Variants in BPHL observed in about 807,000 individuals in gnomAD.
BPHL encodes biphenyl hydrolase like.
Under a neutral mutation model 31.2 loss-of-function variants are expected in BPHL, and 27 were observed. The ratio of observed to expected loss-of-function variants is 0.87; its 90% confidence interval spans 0.64 to 1.19. The LOEUF (loss-of-function observed/expected upper bound fraction) is 1.19. Ranked by LOEUF, BPHL falls within the 50% of genes most tolerant of loss-of-function variation. The probability of loss-of-function intolerance (pLI) is 0.00; values close to 1 mark genes in which losing one functional copy is unlikely to be tolerated. For missense variants in BPHL, 356 were observed against 375.7 expected (o/e 0.95, Z 0.43); for synonymous variants, 150 against 146.8 (o/e 1.02, Z -0.16).
chr6:3,131,428 C>T (rs1390230336), intron 4 of BPHL, among the ~76,000 whole-genome samples: 2 of 152,194 alleles, frequency 1.3e-5, no homozygotes, highest in Non-Finnish European at 2.9e-5. Flanking sequence ...TTGCCCTGTT[C>T]ATTGAACTGT....
chr6:3,146,828 GGCTGGAGTGC>G (rs1762396883), intron 6 of BPHL, among the ~76,000 whole-genome samples: 1 of 77,026 alleles, frequency 1.3e-5, no homozygotes, highest in Admixed American at 1.2e-4. Flanking sequence ...TGCTGGTTCC[GGCTGGAGTGC>G]TGGTTTGGGT....
At chr6:3,137,316 T>G (rs768097998) in intron 4 of BPHL, 46 bp from the exon 5 acceptor site, 8 of 1,602,604 alleles carry the variant, frequency 5.0e-6, no homozygotes, top group Non-Finnish European at 6.8e-6. Flanking sequence ...AGACAATACT[T>G]TAGTATGAAA....
rs1264625314 is a variant in BPHL at position 3,140,258 on chromosome 6, C to G, written c.665-128C>G. 2 of 1,260,638 alleles carry G rather than the reference C, an allele frequency of 1.6e-6. No homozygotes were observed. Among genetic ancestry groups the G allele is most frequent in the East Asian group, 2.5e-5 (1 of 40,340 alleles). The allele number at this position is 1,260,638 out of a possible 1,614,324, so 78.1% of individuals were successfully genotyped here. On this transcript the variant is annotated intron_variant, in intron 5 of 6. Transcript: ENST00000380379. This position sits in a 1 kb window ranked among gnomAD's most constrained non-coding sequence, Gnocchi z 5.2. Reference sequence around the variant, plus strand: ...GAAGGAATCCCAGGCACGGTCAAATCCAAAACACAGTTTTTACGGATAGGG... The same window carrying G: ...GAAGGAATCCCAGGCACGGTCAAATGCAAAACACAGTTTTTACGGATAGGG...
Position 3,140,895 on chromosome 6 carries a change from T to A in BPHL, c.788+386T>A, listed in dbSNP as rs1762156253. On this transcript the variant is annotated intron_variant, in intron 6 of 6. Transcript: ENST00000380379. This position sits in a 1 kb window ranked among gnomAD's most constrained non-coding sequence, Gnocchi z 5.2. ...TTATAAAAGCACTGACCACCCAATT[T>A]AAAAAAATCTGTTAAACCAAATTTC... Among the ~76,000 whole-genome samples, 2 of 152,160 alleles carry A rather than the reference T, an allele frequency of 1.3e-5. No homozygotes were observed. Among genetic ancestry groups the A allele is most frequent in the East Asian group, 1.9e-4 (1 of 5,204 alleles).
chr6:3,143,904 C>T (rs79499583), intron 6 of BPHL, among the ~76,000 whole-genome samples: 2,562 of 152,316 alleles, frequency 0.017, 56 homozygotes, highest in East Asian at 0.077. Flanking sequence ...CTCTCGCCTG[C>T]GGCCCTTCTC....
chr6:3,129,124 C>A lies in BPHL; in HGVS notation c.458C>A (p.Pro153Gln). The stretch of plus-strand genomic sequence containing the variant: ...GCACTCATTGCTGCTGCAAAATATC[C>A]ATCTTACATCCACAAGATGGTGATC... ...ITALIAAAKY[P>Q]SYIHKMVIWG... Residue 153 changes from proline (P) to glutamine (Q), a missense_variant, in exon 4 of 7, where the codon CCA becomes CAA. Pro to Gln is a moderately conservative substitution (Grantham distance 76). Coordinates refer to ENST00000380379, the MANE Select transcript of BPHL (RefSeq NM_004332.4). 1 of 1,613,538 alleles carries A rather than the reference C, an allele frequency of 6.2e-7. No homozygotes were observed.
chr6:3,131,987 C>T (rs1761883468), intron 4 of BPHL, among the ~76,000 whole-genome samples: 2 of 152,212 alleles, frequency 1.3e-5, no homozygotes, highest in African/African-American at 2.4e-5. Flanking sequence ...GCACTTACTC[C>T]CTTGCCTCGG....
At chr6:3,119,795 G>C (rs1387635465) in intron 1 of BPHL, among the ~76,000 whole-genome samples, 1 of 152,152 alleles carries the variant, frequency 6.6e-6, no homozygotes, top group Non-Finnish European at 1.5e-5. Context: ...GAAACTTTTA[G>C]TTTGAAAACT....
At chr6:3,139,256 C>T (rs1191911252) in intron 5 of BPHL, 1 of 152,238 alleles carries the variant, frequency 6.6e-6, no homozygotes, top group East Asian at 1.9e-4. Flanking sequence ...ACTGTTATTA[C>T]AGAAGTCCTT....
At chr6:3,126,821 T>C (rs1206279640) in intron 2 of BPHL, 2 of 151,282 alleles carry the variant, frequency 1.3e-5, no homozygotes, top group Non-Finnish European at 2.9e-5. Flanking sequence ...TGGCGCGATC[T>C]GGGCTCACTG....
intron 4 of BPHL, among the ~76,000 whole-genome samples, chr6:3,132,860 A>G (rs1761910135): frequency 6.6e-6 from 1 of 152,150 alleles, no homozygotes; most frequent in Non-Finnish European, 1.5e-5. Flanking sequence ...AACCAAAAGA[A>G]AAAAACAGAA....
intron 4 of BPHL, among the ~76,000 whole-genome samples, chr6:3,130,846 T>C (rs1761851358): frequency 6.6e-6 from 1 of 152,202 alleles, no homozygotes. Context: ...TTCTGTTTTT[T>C]AAATGAATAT....
rs577663515 is a variant in BPHL at position 3,144,067 on chromosome 6, T to C, written c.788+3558T>C. Reference sequence around the variant, plus strand: ...GTCATGTGGCTCCTTATACCTTTTTTCTTCCTCTTTTTTTGTTTTTGAGAC... The same window carrying C: ...GTCATGTGGCTCCTTATACCTTTTTCCTTCCTCTTTTTTTGTTTTTGAGAC... On this transcript the variant is annotated intron_variant, in intron 6 of 6. Transcript: ENST00000380379. Among the ~76,000 whole-genome samples the C allele has an allele frequency of 1.0e-3, 154 of 152,330 alleles. 5 individuals carry two copies. The South Asian group carries it at 0.03, about 30-fold the overall frequency.
rs200475871 is a variant in BPHL at position 3,129,147 on chromosome 6, A to T, written c.481A>T (p.Ile161Phe). Residue 161 changes from isoleucine to phenylalanine, a missense_variant, in exon 4 of 7, where the codon ATC becomes TTC. Physicochemically the swap from Ile to Phe is conservative, Grantham distance 21. Transcript: ENST00000380379. ...KYPSYIHKMVIWGANAYVTDE... is the reference protein window; with the variant it reads ...KYPSYIHKMVFWGANAYVTDE... ...TCCATCTTACATCCACAAGATGGTG[A>T]TCTGGGGCGCCAACGCCTACGTCAC... 6.2e-7 allele frequency: 1 copy of T among 1,611,496 alleles called. No homozygotes were observed. Among genetic ancestry groups the T allele is most frequent in the East Asian group, 2.2e-5 (1 of 44,858 alleles).
In BPHL at chr6:3,149,250, T is replaced by C. The variant is rs547610653; in HGVS notation, c.789-3238T>C. 2.0e-5 allele frequency among the ~76,000 whole-genome samples: 3 copies of C among 152,254 alleles called. No individual in the cohort carries two copies. Among genetic ancestry groups the C allele is most frequent in the Admixed American group, 2.0e-4 (3 of 15,294 alleles). On this transcript the variant is annotated intron_variant, in intron 6 of 6. Transcript: ENST00000380379. This position sits in a 1 kb window ranked among gnomAD's most constrained non-coding sequence, Gnocchi z 4.6. ...TTCCTCCCACGATGATGCCTCCAGT[T>C]TACATCCAAATGTCACAGGAAGAAA...
At chr6:3,120,871 GCTGTAT>G (rs1447167101) in intron 1 of BPHL, among the ~76,000 whole-genome samples, 1 of 152,174 alleles carries the variant, frequency 6.6e-6, no homozygotes, top group African/African-American at 2.4e-5. Flanking sequence ...TTGCCACCAC[GCTGTAT>G]CTGGCAGTCA....
intron 6 of BPHL, among the ~76,000 whole-genome samples, chr6:3,143,130 A>G (rs925644205): frequency 1.3e-5 from 2 of 152,190 alleles, no homozygotes; most frequent in Non-Finnish European, 2.9e-5. Context: ...GAGGCAGAGA[A>G]TCACTTGAAC....
chr6:3,123,584 G>A, intron 1 of BPHL, 73 bp from the exon 2 acceptor site: 1 of 1,336,022 alleles, frequency 7.5e-7, no homozygotes, highest in Non-Finnish European at 1.1e-6. Context: ...CTGTCTAGCT[G>A]GAATTTTGAA....
chr6:3,151,449 A>T (rs1762521753), intron 6 of BPHL, among the ~76,000 whole-genome samples: 2 of 152,048 alleles, frequency 1.3e-5, no homozygotes, highest in Admixed American at 1.3e-4. Flanking sequence ...TTCTCTTGGT[A>T]CCCCATTCCC....
Sources: gnomAD v4.1 joint callset for allele counts (sites outside exome capture counted in the v4.1 genomes callset) on GRCh38, gnomAD v4.1.1 for gene constraint, Gnocchi (gnomAD v3.1) non-coding constraint, MANE v1.5 for transcripts, NCBI Gene and HGNC (gene_info 2026-07-23, HGNC 2026-07-21) for gene names.